The following MYCN variants were observed in gnomAD, a reference collection of about 807,000 sequenced individuals.
MYCN encodes the protein MYCN proto-oncogene, bHLH transcription factor.
MYCN carries 3 observed loss-of-function variants against 28.1 expected under a neutral mutation model. The ratio of observed to expected loss-of-function variants is 0.11; its 90% CI spans 0.05 to 0.28. The LOEUF (loss-of-function observed/expected upper bound fraction) is 0.28, where lower values mean the gene tolerates loss of function less well. Ranked by LOEUF, MYCN falls within the 10% of genes least tolerant of loss-of-function variation. The pLI, the probability that MYCN is intolerant of heterozygous loss-of-function variation, is 1.00. For synonymous variants in MYCN, 326 were observed against 288.3 expected (o/e 1.13, Z -1.32); for missense variants, 572 against 651.4 (o/e 0.88, Z 1.33).
intron 2 of MYCN, among the ~76,000 whole-genome samples, chr2:15,943,428 G>T (rs1662772816): frequency 6.8e-6 from 1 of 147,798 alleles, no homozygotes; most frequent in Non-Finnish European, 1.5e-5. Flanking sequence ...TCAAATGTCG[G>T]TACCTTTCCC....
Position 15,940,667 on chromosome 2 carries a change from A to G in MYCN, c.-194A>G, listed in dbSNP as rs538637715. On this transcript the variant is annotated 5_prime_UTR_variant, in exon 1 of 3. Transcript: ENST00000281043. ...AGCGCGCACAGACTGTAGCCATCCG[A>G]GGACACCCCCGCCCCCCCGGCCCAC... 1.2e-5 allele frequency: 5 copies of G among 400,200 alleles called. No homozygotes were observed. The highest frequency in any genetic ancestry group is 1.0e-4 in the African/African-American group (5 of 48,788). The allele number at this position is 400,200 out of a possible 1,614,324, so 24.8% of individuals were successfully genotyped here. A position where few individuals can be genotyped will look rare whatever the true frequency, so the allele number is the denominator to read the frequency against.
intron 2 of MYCN, among the ~76,000 whole-genome samples, chr2:15,943,837 T>A (rs1255418776): frequency 6.6e-6 from 1 of 152,044 alleles, no homozygotes; most frequent in African/African-American, 2.4e-5. Flanking sequence ...AAGGGAAGAG[T>A]TAAAACCAAG....
In MYCN at chr2:15,940,688, C is replaced by G. The variant is rs1662614296; in HGVS notation, c.-173C>G. The G allele has an allele frequency of 2.5e-6, 1 of 399,470 alleles. No individual in the cohort carries two copies. The highest frequency in any genetic ancestry group is 2.1e-5 in the African/African-American group (1 of 48,634). The allele number at this position is 399,470 out of a possible 1,614,324, so 24.7% of individuals were successfully genotyped here. ...TCCGAGGACACCCCCGCCCCCCCGG[C>G]CCACCCGGAGACACCCGCGCAGAAT... On this transcript the variant is annotated 5_prime_UTR_variant, in exon 1 of 3. Coordinates refer to ENST00000281043, the MANE Select transcript of MYCN (RefSeq NM_005378.6).
chr2:15,945,555 C>A lies in MYCN; in HGVS notation c.853C>A (p.Arg285=), dbSNP rs779959007. ...EEIDVVTVEK[R]RSSSNTKAVT... is the part of the protein sequence containing the mutation. ...AATCGACGTGGTCACTGTGGAGAAG[C>A]GGCGTTCCTCCTCCAACACCAAGGC... The change falls in exon 3 of 3, where the codon CGG becomes AGG. Residue 285 remains arginine, a synonymous_variant. Transcript: ENST00000281043. The surrounding 1 kb of genome is among the most constrained non-coding windows in gnomAD (Gnocchi z 4.8). 1 of 1,613,896 alleles carries A rather than the reference C, an allele frequency of 6.2e-7. No homozygotes were observed. The highest frequency in any genetic ancestry group is 8.5e-7 in the Non-Finnish European group (1 of 1,179,898).
Position 15,945,568 on chromosome 2 carries a change from C to G in MYCN, c.866C>G (p.Ser289Cys). ...VVTVEKRRSSSNTKAVTTFTI... is the reference protein window; with the variant it reads ...VVTVEKRRSSCNTKAVTTFTI... Reference sequence around the variant, plus strand: ...ACTGTGGAGAAGCGGCGTTCCTCCTCCAACACCAAGGCTGTCACCACATTC... The same window carrying G: ...ACTGTGGAGAAGCGGCGTTCCTCCTGCAACACCAAGGCTGTCACCACATTC... Residue 289 changes from serine to cysteine, a missense_variant, in exon 3 of 3, where the codon TCC (serine) becomes TGC (cysteine). By Grantham distance (112) the Ser-to-Cys change is moderately radical. This residue lies in a region of MYCN where 499 missense variants were observed against 524.3 expected (regional missense o/e 0.95). Coordinates refer to ENST00000281043, the MANE Select transcript of MYCN (RefSeq NM_005378.6). This position sits in a 1 kb window ranked among gnomAD's most constrained non-coding sequence, Gnocchi z 4.8. 1.2e-6 allele frequency: 2 copies of G among 1,614,106 alleles called. No individual in the cohort carries two copies. Among genetic ancestry groups the G allele is most frequent in the Non-Finnish European group, 1.7e-6 (2 of 1,180,030 alleles).
intron 1 of MYCN, 108 bp downstream of exon 1, chr2:15,940,851 G>A (rs943563723): frequency 2.3e-5 from 9 of 398,006 alleles, no homozygotes; most frequent in Admixed American, 4.4e-5. Context: ...GCCCTAATAT[G>A]CCCGGGGGAC....
In MYCN at chr2:15,942,193, C is replaced by G; in HGVS notation, c.129C>G (p.Thr43=). ...TCTACTTCGGCGGCCCCGACTCGACCCCCCCGGGGGAGGACATCTGGAAGA... is the reference window on the plus strand; with the variant it reads ...TCTACTTCGGCGGCCCCGACTCGACGCCCCCGGGGGAGGACATCTGGAAGA... ...DDFYFGGPDS[T]PPGEDIWKKF... The change falls in exon 2 of 3, where the codon ACC becomes ACG. Residue 43 remains threonine, a synonymous_variant. Coordinates refer to ENST00000281043, the MANE Select transcript of MYCN (RefSeq NM_005378.6). This position sits in a 1 kb window ranked among gnomAD's most constrained non-coding sequence, Gnocchi z 7.0. The G allele has an allele frequency of 6.2e-7, 1 of 1,613,714 alleles. No homozygotes were observed. The highest frequency in any genetic ancestry group is 8.5e-7 in the Non-Finnish European group (1 of 1,180,002).
rs1298220057 is a variant in MYCN, at chr2:15,946,080, C to T, written c.1378C>T (p.His460Tyr). 6.2e-7 allele frequency: 1 copy of T among 1,614,228 alleles called. No individual in the cohort carries two copies. The highest frequency in any genetic ancestry group is 8.5e-7 in the Non-Finnish European group (1 of 1,180,054). The change falls in exon 3 of 3, where the codon CAC becomes TAC. Residue 460 changes from histidine to tyrosine, a missense_variant. Coordinates refer to ENST00000281043, the MANE Select transcript of MYCN (RefSeq NM_005378.6). ...GCAGCAGTTGCTAAAGAAAATTGAA[C>T]ACGCTCGGACTTGCTAGACGCTTCT... ...RQQQLLKKIE[H>Y]ARTC
Position 15,946,251 on chromosome 2 carries a change from G to C in MYCN, c.*154G>C. 4.6e-6 allele frequency: 5 copies of C among 1,097,014 alleles called. No homozygotes were observed. The highest frequency in any genetic ancestry group is 1.4e-5 in the South Asian group (1 of 71,926). 68.0% of individuals were successfully genotyped at this position (1,097,014 alleles called of 1,614,324 possible). A position where few individuals can be genotyped will look rare whatever the true frequency, so the allele number is the denominator to read the frequency against. Reference sequence around the variant, plus strand: ...TGGGCAGTAGGACCACCAGTGTGGGGTTCTGCTGGGACCTTGGAGAGCCTG... The same window carrying C: ...TGGGCAGTAGGACCACCAGTGTGGGCTTCTGCTGGGACCTTGGAGAGCCTG... On this transcript the variant is annotated 3_prime_UTR_variant, in exon 3 of 3. Coordinates refer to ENST00000281043, the MANE Select transcript of MYCN (RefSeq NM_005378.6).
intron 2 of MYCN, among the ~76,000 whole-genome samples, chr2:15,944,343 T>C (rs1662801309): frequency 6.6e-6 from 1 of 152,210 alleles, no homozygotes; most frequent in South Asian, 2.1e-4. Flanking sequence ...GCGCACATGA[T>C]GCTACACGTT....
At chr2:15,944,518 C>T (rs1401650826) in intron 2 of MYCN, among the ~76,000 whole-genome samples, 1 of 152,064 alleles carries the variant, frequency 6.6e-6, no homozygotes, top group East Asian at 1.9e-4. Flanking sequence ...TGTTTTTTTT[C>T]TTCAGTTAAT....
At position 15,945,536 on chromosome 2, in the gene MYCN, C is replaced by A. The variant is rs749231714; in HGVS notation, c.834C>A (p.Asp278Glu). The A allele has an allele frequency of 1.2e-6, 2 of 1,613,862 alleles. No homozygotes were observed. The highest frequency in any genetic ancestry group is 1.6e-4 in the Middle Eastern group (1 of 6,062). The change falls in exon 3 of 3, where the codon GAC becomes GAA. Residue 278 changes from aspartate to glutamate, a missense_variant. By Grantham distance (45) the Asp-to-Glu change is conservative. Coordinates refer to ENST00000281043, the MANE Select transcript of MYCN (RefSeq NM_005378.6). This position sits in a 1 kb window ranked among gnomAD's most constrained non-coding sequence, Gnocchi z 4.8. The stretch of plus-strand genomic sequence containing the variant: ...AGGAAGATGAAGAGGAAGAAATCGA[C>A]GTGGTCACTGTGGAGAAGCGGCGTT... The part of the protein sequence containing the change: ...DEEEDEEEEI[D>E]VVTVEKRRSS...
rs1662824543 is a variant in MYCN, at chr2:15,945,077, G to A, written c.791-416G>A. ...TGCAGTGGTATGATCTGGGCTCACTGCAACCTCCGCCTCCCGGGTTCAAGT... is the reference window on the plus strand; with the variant it reads ...TGCAGTGGTATGATCTGGGCTCACTACAACCTCCGCCTCCCGGGTTCAAGT... On this transcript the variant is annotated intron_variant, in intron 2 of 2. Transcript: ENST00000281043. This position sits in a 1 kb window ranked among gnomAD's most constrained non-coding sequence, Gnocchi z 4.8. Among the ~76,000 whole-genome samples the A allele has an allele frequency of 6.6e-6, 1 of 152,060 alleles. No individual in the cohort carries two copies. The highest frequency in any genetic ancestry group is 2.4e-5 in the African/African-American group (1 of 41,394).
rs577003497 is a variant in MYCN at position 15,945,124 on chromosome 2, C to T, written c.791-369C>T. On this transcript the variant is annotated intron_variant, in intron 2 of 2. Transcript: ENST00000281043. The surrounding 1 kb of genome is among the most constrained non-coding windows in gnomAD (Gnocchi z 4.8). ...AAGTCATTCTCCTGCCTCAGCCTCCCGAGTAGCTGGGATTACCGGAGCATG... is the reference window on the plus strand; with the variant it reads ...AAGTCATTCTCCTGCCTCAGCCTCCTGAGTAGCTGGGATTACCGGAGCATG... 1.3e-5 allele frequency among the ~76,000 whole-genome samples: 2 copies of T among 151,838 alleles called. No individual in the cohort carries two copies. Among genetic ancestry groups the T allele is most frequent in the Admixed American group, 6.6e-5 (1 of 15,224 alleles).
At position 15,941,858 on chromosome 2, in the gene MYCN, TTGGGGAACCTGG is replaced by T. The variant is rs1662686009; in HGVS notation, c.-117-88_-117-77del. 3.2e-6 allele frequency: 2 copies of T among 618,100 alleles called. No individual in the cohort carries two copies. Among genetic ancestry groups the T allele is most frequent in the Non-Finnish European group, 5.7e-6 (2 of 351,758 alleles). 38.3% of individuals were successfully genotyped at this position (618,100 alleles called of 1,614,324 possible). A position where few individuals can be genotyped will look rare whatever the true frequency, so the allele number is the denominator to read the frequency against. ...CAGAGTGGGGGGCTTGGAGGGAAGA[TTGGGGAACCTGG>T]TTAGAGGGGGCGCCCATTGCCTATC... is the stretch of plus-strand genomic sequence containing the variant. On this transcript the variant is annotated intron_variant, in intron 1 of 2. Coordinates refer to ENST00000281043, the MANE Select transcript of MYCN (RefSeq NM_005378.6). This position sits in a 1 kb window ranked among gnomAD's most constrained non-coding sequence, Gnocchi z 4.8.
In MYCN at chr2:15,945,633, G is replaced by A. The variant is rs2103330723; in HGVS notation, c.931G>A (p.Gly311Arg). ...VRPKNAALGP[G>R]RAQSSELILK... is the part of the protein sequence containing the mutation. ...TCCCAAGAACGCAGCCCTGGGTCCC[G>A]GGAGGGCTCAGTCCAGCGAGCTGAT... Residue 311 changes from glycine to arginine, a missense_variant, in exon 3 of 3, where the codon GGG becomes AGG. Physicochemically the swap from Gly to Arg is moderately radical, Grantham distance 125. Around this residue, in one of 3 missense-constraint regions of MYCN, gnomAD observed 499 missense variants for 524.3 expected, o/e 0.95. Coordinates refer to ENST00000281043, the MANE Select transcript of MYCN (RefSeq NM_005378.6). The surrounding 1 kb of genome is among the most constrained non-coding windows in gnomAD (Gnocchi z 4.8). The A allele has an allele frequency of 3.7e-6, 6 of 1,614,102 alleles. No individual in the cohort carries two copies. Among genetic ancestry groups the A allele is most frequent in the Non-Finnish European group, 4.2e-6 (5 of 1,180,020 alleles).
In MYCN at chr2:15,945,717, G is replaced by T. The variant is rs372079635; in HGVS notation, c.1015G>T (p.Val339Leu). 2.5e-6 allele frequency: 4 copies of T among 1,614,016 alleles called. No homozygotes were observed. Among genetic ancestry groups the T allele is most frequent in the African/African-American group, 2.7e-5 (2 of 75,020 alleles). The part of the protein sequence containing the change: ...QHNYAAPSPY[V>L]ESEDAPPQKK... ...CAACTATGCCGCCCCCTCTCCCTACGTGGAGAGTGAGGATGCACCCCCACA... is the reference window on the plus strand; with the variant it reads ...CAACTATGCCGCCCCCTCTCCCTACTTGGAGAGTGAGGATGCACCCCCACA... Residue 339 changes from valine to leucine, a missense_variant, in exon 3 of 3, where the codon GTG becomes TTG. By Grantham distance (32) the Val-to-Leu change is conservative. Transcript: ENST00000281043. This position sits in a 1 kb window ranked among gnomAD's most constrained non-coding sequence, Gnocchi z 4.8.
Position 15,942,346 on chromosome 2 carries a change from G to C in MYCN, c.282G>C (p.Glu94Asp). The C allele has an allele frequency of 6.2e-7, 1 of 1,607,134 alleles. No homozygotes were observed. Among genetic ancestry groups the C allele is most frequent in the Non-Finnish European group, 8.5e-7 (1 of 1,177,768 alleles). ...AGCTGTGGGGCAGCCCGGCCGAGGA[G>C]GACGCGTTCGGCCTGGGGGGACTGG... ...ENELWGSPAE[E>D]DAFGLGGLGG... The change falls in exon 2 of 3, where the codon GAG becomes GAC. Residue 94 changes from glutamate (E) to aspartate (D), a missense_variant. Glu to Asp is a conservative substitution (Grantham distance 45). Coordinates refer to ENST00000281043, the MANE Select transcript of MYCN (RefSeq NM_005378.6). This position sits in a 1 kb window ranked among gnomAD's most constrained non-coding sequence, Gnocchi z 7.0.
At chr2:15,944,586 T>C (rs763150705) in intron 2 of MYCN, among the ~76,000 whole-genome samples, 1 of 152,196 alleles carries the variant, frequency 6.6e-6, no homozygotes, top group African/African-American at 2.4e-5. Context: ...ATGTGTAAAC[T>C]GCTAAATGAG....
Sources: gnomAD v4.1 joint callset for allele counts (sites outside exome capture counted in the v4.1 genomes callset) on GRCh38, gnomAD v4.1.1 for gene constraint, gnomAD v4.1.1 regional missense constraint, Gnocchi (gnomAD v3.1) non-coding constraint, MANE v1.5 for transcripts, NCBI Gene and HGNC (gene_info 2026-07-23, HGNC 2026-07-21) for gene names.